Variants in PHACTR3 observed in about 807,000 individuals in gnomAD.
PHACTR3 encodes the protein protein phosphatase 1, regulatory subunit 123.
PHACTR3 carries 16 observed loss-of-function variants against 66.8 expected under a neutral mutation model. The ratio of observed to expected loss-of-function variants is 0.24; its 90% CI spans 0.16 to 0.36. The LOEUF (loss-of-function observed/expected upper bound fraction) is 0.36. Among genes scored for constraint, PHACTR3 ranks in the 10% least tolerant of loss-of-function variants. The probability of loss-of-function intolerance (pLI) is 1.00; values close to 1 mark genes in which losing one functional copy is unlikely to be tolerated. For missense variants in PHACTR3, 647 were observed against 719.9 expected, an observed-to-expected ratio of 0.90 and a Z score of 1.16; for synonymous variants, 323 against 292.1, an observed-to-expected ratio of 1.11 and a Z score of -1.08.
intron 1 of PHACTR3, among the ~76,000 whole-genome samples, chr20:59,580,063 T>G (rs2032816669): frequency 6.6e-6 from 1 of 152,082 alleles, no homozygotes; most frequent in Non-Finnish European, 1.5e-5. Context: ...GGGCGGTGGT[T>G]GTTCTGGAGG....
chr20:59,743,911 C>T (rs1165105637), intron 2 of PHACTR3, among the ~76,000 whole-genome samples: 1 of 152,222 alleles, frequency 6.6e-6, no homozygotes. Flanking sequence ...GGTTCCTCCA[C>T]TCACCTCCTG....
rs2039042507 is a variant in PHACTR3 at position 59,738,764 on chromosome 20, C to T, written c.119-4343C>T. Among the ~76,000 whole-genome samples the T allele has an allele frequency of 6.6e-6, 1 of 152,090 alleles. No individual in the cohort carries two copies. Among genetic ancestry groups the T allele is most frequent in the South Asian group, 2.1e-4 (1 of 4,806 alleles). ...GTATGTGTGTTTCTGGTGATTGCTG[C>T]CGATCCTTTGTGAAGGAGGTGAGAT... On this transcript the variant is annotated intron_variant, in intron 1 of 12. Transcript: ENST00000371015. This position sits in a 1 kb window ranked among gnomAD's most constrained non-coding sequence, Gnocchi z 4.4.
chr20:59,663,631 A>C (rs2146483721), intron 1 of PHACTR3, among the ~76,000 whole-genome samples: 1 of 152,332 alleles, frequency 6.6e-6, no homozygotes, highest in South Asian at 2.1e-4. Context: ...GTCGACACCA[A>C]GCCCTCACGC....
At chr20:59,841,090 C>G (rs2059051377) in intron 10 of PHACTR3, among the ~76,000 whole-genome samples, 1 of 152,140 alleles carries the variant, frequency 6.6e-6, no homozygotes, top group Non-Finnish European at 1.5e-5. Context: ...CTAATTGTAT[C>G]TGAAGCCAGT....
In PHACTR3 at chr20:59,701,674, C is replaced by T. The variant is rs144539854; in HGVS notation, c.119-41433C>T. Among the ~76,000 whole-genome samples, 21 of 152,328 alleles carry T rather than the reference C, an allele frequency of 1.4e-4. No individual in the cohort carries two copies. In the East Asian group the frequency reaches 1.5e-3, roughly 11 times the overall value. On this transcript the variant is annotated intron_variant, in intron 1 of 12. Coordinates refer to ENST00000371015, the MANE Select transcript of PHACTR3 (RefSeq NM_080672.5). Reference sequence around the variant, plus strand: ...CCTTCCCAGTTTCTCCTATTATTAACGTGTTGCATTGTGTGCACATTTGTT... The same window carrying T: ...CCTTCCCAGTTTCTCCTATTATTAATGTGTTGCATTGTGTGCACATTTGTT...
intron 1 of PHACTR3, among the ~76,000 whole-genome samples, chr20:59,670,918 C>T (rs1489657510): frequency 6.6e-6 from 1 of 152,188 alleles, no homozygotes; most frequent in Non-Finnish European, 1.5e-5. Context: ...GTTCTTGCCA[C>T]TTCTCCTCTG....
chr20:59,772,401 G>A (rs1009215729), intron 5 of PHACTR3, among the ~76,000 whole-genome samples: 1 of 152,232 alleles, frequency 6.6e-6, no homozygotes, highest in Admixed American at 6.5e-5. Context: ...CTGCCCAGGA[G>A]CAAGAAACAG....
intron 11 of PHACTR3, chr20:59,844,950 A>G: frequency 2.8e-6 from 1 of 362,092 alleles, no homozygotes; most frequent in South Asian, 3.7e-5. Context: ...ATATGTACAA[A>G]TATTATGTAT....
rs1044478084 is a variant in PHACTR3, at chr20:59,847,216, A to C, written c.*86A>C. The stretch of plus-strand genomic sequence containing the variant: ...AGGGAACTTTCCTGAAGTTCAGCTC[A>C]AGACTACCCTACCTGCTGTGTTTGT... On this transcript the variant is annotated 3_prime_UTR_variant, in exon 13 of 13. Coordinates refer to ENST00000371015, the MANE Select transcript of PHACTR3 (RefSeq NM_080672.5). 2 of 978,924 alleles carry C rather than the reference A, an allele frequency of 2.0e-6. No homozygotes were observed. Among genetic ancestry groups the C allele is most frequent in the African/African-American group, 3.2e-5 (2 of 62,472 alleles). 60.6% of individuals were successfully genotyped at this position (978,924 alleles called of 1,614,324 possible).
intron 1 of PHACTR3, among the ~76,000 whole-genome samples, chr20:59,605,656 T>C (rs952240277): frequency 6.6e-6 from 1 of 152,212 alleles, no homozygotes; most frequent in African/African-American, 2.4e-5. Flanking sequence ...ACAGGTGTGC[T>C]GGGCAGAGCC....
At chr20:59,761,878 C>T (rs1201107645) in intron 4 of PHACTR3, among the ~76,000 whole-genome samples, 1 of 152,216 alleles carries the variant, frequency 6.6e-6, no homozygotes, top group Admixed American at 6.5e-5. Context: ...AAGAGGGAGC[C>T]TCTGCTGGTC....
intron 1 of PHACTR3, among the ~76,000 whole-genome samples, chr20:59,617,545 A>AT (rs200116872): frequency 1.3e-3 from 191 of 147,832 alleles, no homozygotes; most frequent in African/African-American, 3.5e-3. Flanking sequence ...GATTCCAGTC[A>AT]TTTTTTTTTT....
intron 1 of PHACTR3, among the ~76,000 whole-genome samples, chr20:59,692,938 C>T (rs942602130): frequency 5.9e-5 from 9 of 152,184 alleles, no homozygotes; most frequent in African/African-American, 2.2e-4. Context: ...GGTTTTTTAA[C>T]TTGTTTAATG....
At chr20:59,653,568 C>CT (rs1267795250) in intron 1 of PHACTR3, among the ~76,000 whole-genome samples, 2 of 151,910 alleles carry the variant, frequency 1.3e-5, no homozygotes, top group Non-Finnish European at 2.9e-5. Context: ...AGGATGCTAG[C>CT]ATATGTAAAT....
intron 1 of PHACTR3, among the ~76,000 whole-genome samples, chr20:59,578,439 C>T (rs1009373439): frequency 1.3e-5 from 2 of 152,300 alleles, no homozygotes; most frequent in Non-Finnish European, 2.9e-5. Flanking sequence ...TTCCAGGGGC[C>T]CCACCCAGGC....
chr20:59,731,155 T>A (rs1259105588), intron 1 of PHACTR3, among the ~76,000 whole-genome samples: 1 of 152,170 alleles, frequency 6.6e-6, no homozygotes, highest in Non-Finnish European at 1.5e-5. Context: ...ACTTTGAAGA[T>A]GTTGTGTGAT....
chr20:59,839,040 A>C (rs2059013464), intron 9 of PHACTR3, among the ~76,000 whole-genome samples: 1 of 138,856 alleles, frequency 7.2e-6, no homozygotes, highest in African/African-American at 2.6e-5. Context: ...TTCAGGATTA[A>C]AAAAAAAAAA....
Position 59,806,326 on chromosome 20 carries a change from C to G in PHACTR3, c.1328+132C>G, listed in dbSNP as rs564631407. The G allele has an allele frequency of 1.3e-5, 15 of 1,197,012 alleles. 1 individual carries two copies. Among genetic ancestry groups the G allele is most frequent in the Non-Finnish European group, 1.7e-5 (15 of 861,008 alleles). The allele number at this position is 1,197,012 out of a possible 1,614,324, so 74.1% of individuals were successfully genotyped here. A position where few individuals can be genotyped will look rare whatever the true frequency, so the allele number is the denominator to read the frequency against. ...CCGTCTGCAGCAGGTCTCTTGACCC[C>G]GCCACCGTTGACGTTTGGGGCCGTG... is the stretch of plus-strand genomic sequence containing the variant. On this transcript the variant is annotated intron_variant, in intron 8 of 12. Transcript: ENST00000371015.
At chr20:59,759,166 TGGCTGGGACAACCCCGAG>T (rs898548292) in intron 4 of PHACTR3, among the ~76,000 whole-genome samples, 2 of 152,182 alleles carry the variant, frequency 1.3e-5, no homozygotes, top group Admixed American at 6.5e-5. Context: ...CAGTTTGCTA[TGGCTGGGACAACCCCGAG>T]GCCTCATCCA....
Sources: gnomAD v4.1 joint callset for allele counts (sites outside exome capture counted in the v4.1 genomes callset) on GRCh38, gnomAD v4.1.1 for gene constraint, Gnocchi (gnomAD v3.1) non-coding constraint, MANE v1.5 for transcripts, NCBI Gene and HGNC (gene_info 2026-07-23, HGNC 2026-07-21) for gene names.